PCDH15: variants seen among roughly 807,000 people sequenced by gnomAD.
The protein encoded by PCDH15 is protocadherin related 15.
A neutral mutation model predicts 178.5 loss-of-function variants in PCDH15; 129 were observed. The ratio of observed to expected loss-of-function variants is 0.72; its 90% CI spans 0.63 to 0.84. The LOEUF is 0.84. PCDH15 is among the 40% of genes least tolerant of loss of function. The pLI is 0.00. For synonymous variants in PCDH15, 800 were observed against 732.0 expected (o/e 1.09, Z -1.50); for missense variants, 2,230 against 2,099.9 (o/e 1.06, Z -1.21).
At chr10:54,682,997 C>G (rs1467900847) in intron 1 of PCDH15, among the ~76,000 whole-genome samples, 2 of 152,044 alleles carry the variant, frequency 1.3e-5, no homozygotes, top group African/African-American at 2.4e-5. Flanking sequence ...ACAATAAATC[C>G]ATGCAACAAA....
intron 3 of PCDH15, among the ~76,000 whole-genome samples, chr10:54,826,019 T>C (rs73252100): frequency 1.3e-5 from 2 of 152,106 alleles, no homozygotes. Context: ...TTCCAAACTT[T>C]CTGATAAAAA....
At chr10:53,839,653 G>A (rs190837245) in intron 29 of PCDH15, among the ~76,000 whole-genome samples, 94 of 142,664 alleles carry the variant, frequency 6.6e-4, no homozygotes, top group African/African-American at 2.2e-3. Context: ...TGTCACCAGA[G>A]TAAAGAAAAT....
At chr10:55,464,117 G>A (rs12221112) in intron 2 of PCDH15, among the ~76,000 whole-genome samples, 105,654 of 136,002 alleles carry the variant, frequency 0.78, 43,232 homozygotes, top group East Asian at 1. Context: ...ATAAACAGAA[G>A]ACTCTCCCTA....
rs74882820 is a variant in PCDH15, at chr10:55,346,822, G to T, written c.-155-180171C>A. 5.2e-3 allele frequency among the ~76,000 whole-genome samples: 783 copies of T among 152,038 alleles called. 11 individuals carry two copies. The highest frequency in any genetic ancestry group is 0.018 in the African/African-American group (737 of 41,474). On this transcript the variant is annotated intron_variant, in intron 2 of 5. Coordinates refer to the PCDH15 transcript ENST00000613346. The stretch of plus-strand genomic sequence containing the variant: ...TCCACCTTGGCTGCTCACGGTTCCT[G>T]TGAGATGAAAGTTCAAGTGATTGAG...
intron 3 of PCDH15, among the ~76,000 whole-genome samples, chr10:54,505,116 A>C (rs1181592924): frequency 6.6e-6 from 1 of 152,086 alleles, no homozygotes; most frequent in Non-Finnish European, 1.5e-5. Context: ...ACCCAAATCA[A>C]GGAGTTATAA....
intron 9 of PCDH15, among the ~76,000 whole-genome samples, chr10:54,231,129 T>TCCA (rs1313511219): frequency 2.6e-5 from 4 of 152,200 alleles, no homozygotes; most frequent in African/African-American, 7.2e-5. Context: ...GGCAGGTTTC[T>TCCA]CCACCATAGG....
At chr10:53,892,303 G>A (rs1398725861) in intron 26 of PCDH15, among the ~76,000 whole-genome samples, 2 of 152,078 alleles carry the variant, frequency 1.3e-5, no homozygotes, top group Non-Finnish European at 2.9e-5. Flanking sequence ...GGGATTACAG[G>A]CGTGAGCCAC....
chr10:55,009,750 G>A (rs940082886), intron 2 of PCDH15, among the ~76,000 whole-genome samples: 2 of 152,036 alleles, frequency 1.3e-5, no homozygotes, highest in African/African-American at 4.8e-5. Flanking sequence ...GAAAACTAAA[G>A]AGCGAAACAG....
chr10:53,944,591 T>C (rs2086370711), intron 23 of PCDH15, among the ~76,000 whole-genome samples: 1 of 152,186 alleles, frequency 6.6e-6, no homozygotes, highest in Admixed American at 6.6e-5. Flanking sequence ...TAATTGTGAG[T>C]GTCTGAAATG....
intron 3 of PCDH15, among the ~76,000 whole-genome samples, chr10:54,869,453 T>G (rs1427895532): frequency 2.0e-5 from 3 of 152,172 alleles, no homozygotes; most frequent in African/African-American, 7.2e-5. Context: ...TTAATAATAA[T>G]AAGTATTGTG....
intron 3 of PCDH15, among the ~76,000 whole-genome samples, chr10:54,421,693 T>C (rs11004293): frequency 0.46 from 52,705 of 115,474 alleles, 13,305 homozygotes; most frequent in Middle Eastern, 0.6. Context: ...TATATATATA[T>C]ACACACACAC....
Position 54,692,496 on chromosome 10 carries a change from G to T in PCDH15, c.-28-28206C>A, listed in dbSNP as rs757599297. On this transcript the variant is annotated intron_variant, in intron 1 of 37. Coordinates refer to ENST00000644397, the MANE Select transcript of PCDH15 (RefSeq NM_001384140.1). ...CTCTGAAATCATAGTCTTTGTACACGAAATCTAACTGGGGTTAAATGTTCT... is the reference window on the plus strand; with the variant it reads ...CTCTGAAATCATAGTCTTTGTACACTAAATCTAACTGGGGTTAAATGTTCT... 2.0e-5 allele frequency among the ~76,000 whole-genome samples: 3 copies of T among 152,078 alleles called. No individual in the cohort carries two copies. The East Asian group carries it at 5.8e-4, about 29-fold the overall frequency.
chr10:54,580,457 C>T (rs1012150185), intron 2 of PCDH15, among the ~76,000 whole-genome samples: 1 of 151,572 alleles, frequency 6.6e-6, no homozygotes, highest in African/African-American at 2.4e-5. Context: ...CATAAAAAAC[C>T]CTATGAATCA....
rs944882435 is a variant in PCDH15 at position 53,891,750 on chromosome 10, C to T, written c.3501+11493G>A. On this transcript the variant is annotated intron_variant, in intron 26 of 37. Coordinates refer to ENST00000644397, the MANE Select transcript of PCDH15 (RefSeq NM_001384140.1). The stretch of plus-strand genomic sequence containing the variant: ...GGCAGACTGCCTGAGGTCAGGGTTT[C>T]GAGACCAGTCTGGCCAACATGGTGA... Among the ~76,000 whole-genome samples the T allele has an allele frequency of 6.6e-5, 10 of 151,330 alleles. No individual in the cohort carries two copies. In the East Asian group the frequency reaches 1.2e-3, roughly 18 times the overall value.
At chr10:54,863,143 T>C (rs1189254033) in intron 3 of PCDH15, among the ~76,000 whole-genome samples, 2 of 152,222 alleles carry the variant, frequency 1.3e-5, no homozygotes, top group Non-Finnish European at 2.9e-5. Context: ...GTTTAAGTTA[T>C]AATGATGTTC....
chr10:54,786,495 T>C (rs969938218), intron 1 of PCDH15, among the ~76,000 whole-genome samples: 5 of 152,034 alleles, frequency 3.3e-5, no homozygotes, highest in Non-Finnish European at 7.4e-5. Flanking sequence ...GCTCTGTTTA[T>C]AGAAGTCAAA....
intron 2 of PCDH15, among the ~76,000 whole-genome samples, chr10:55,572,641 GT>G (rs1265733400): frequency 2.0e-5 from 3 of 151,936 alleles, no homozygotes; most frequent in Non-Finnish European, 4.4e-5. Flanking sequence ...ACGGATTTTG[GT>G]TGTGATGAAA....
intron 2 of PCDH15, among the ~76,000 whole-genome samples, chr10:55,427,854 A>G (rs1332235346): frequency 2.0e-5 from 3 of 152,148 alleles, no homozygotes; most frequent in Non-Finnish European, 2.9e-5. Flanking sequence ...TTAACTCTCA[A>G]CTAGGATCTT....
At chr10:55,361,817 T>G (rs1845236874) in intron 2 of PCDH15, among the ~76,000 whole-genome samples, 2 of 152,078 alleles carry the variant, frequency 1.3e-5, no homozygotes, top group African/African-American at 4.8e-5. Flanking sequence ...TCATTACAAA[T>G]GTACAGTGTT....
Sources: gnomAD v4.1 joint callset for allele counts (sites outside exome capture counted in the v4.1 genomes callset) on GRCh38, gnomAD v4.1.1 for gene constraint, MANE v1.5 for transcripts, NCBI Gene and HGNC (gene_info 2026-07-23, HGNC 2026-07-21) for gene names.